The following NDFIP2 variants were observed in gnomAD, a reference collection of about 807,000 sequenced individuals.
NDFIP2 encodes the protein NEDD4 family-interacting protein 2.
A neutral mutation model predicts 36.0 loss-of-function variants in NDFIP2; 19 were observed. The ratio of observed to expected loss-of-function variants is 0.53; its 90% CI spans 0.37 to 0.77. NDFIP2 has a LOEUF of 0.77. Ranked by LOEUF, NDFIP2 falls within the 30% of genes least tolerant of loss-of-function variation. The pLI is 0.00. For missense variants in NDFIP2, 446 were observed against 435.8 expected (o/e 1.02, Z -0.21); for synonymous variants, 181 against 167.7 (o/e 1.08, Z -0.61).
At chr13:79,517,090 T>C (rs148300415) in intron 1 of NDFIP2, among the ~76,000 whole-genome samples, 223 of 152,316 alleles carry the variant, frequency 1.5e-3, no homozygotes, top group Admixed American at 8.8e-3. Context: ...AAGAGAGCTC[T>C]GTTGTCATTT....
intron 2 of NDFIP2, among the ~76,000 whole-genome samples, chr13:79,529,550 C>A (rs1874930070): frequency 6.6e-6 from 1 of 152,118 alleles, no homozygotes. Flanking sequence ...TGACCACTTA[C>A]GTTTTTACAT....
At chr13:79,535,149 A>G (rs536443861) in intron 3 of NDFIP2, among the ~76,000 whole-genome samples, 1 of 152,300 alleles carries the variant, frequency 6.6e-6, no homozygotes, top group South Asian at 2.1e-4. Context: ...TAGAACACAT[A>G]TATTTGTAAA....
intron 2 of NDFIP2, among the ~76,000 whole-genome samples, 168 bp from the exon 3 acceptor site, chr13:79,533,155 A>G (rs1172581432): frequency 6.6e-6 from 1 of 152,222 alleles, no homozygotes; most frequent in East Asian, 1.9e-4. Flanking sequence ...GGACTAAAGT[A>G]AGATATATGA....
chr13:79,519,275 G>C (rs1874470258), intron 1 of NDFIP2: 1 of 152,126 alleles, frequency 6.6e-6, no homozygotes, highest in African/African-American at 2.4e-5. Flanking sequence ...AAATAATATG[G>C]AAAACTAGTA....
At chr13:79,492,687 C>A (rs1416971627) in intron 1 of NDFIP2, among the ~76,000 whole-genome samples, 1 of 152,122 alleles carries the variant, frequency 6.6e-6, no homozygotes, top group East Asian at 1.9e-4. Context: ...TTCCTGGCCA[C>A]ACTTAAGGCC....
At chr13:79,493,832 G>A (rs757711927) in intron 1 of NDFIP2, among the ~76,000 whole-genome samples, 62 of 152,084 alleles carry the variant, frequency 4.1e-4, no homozygotes, top group African/African-American at 1.5e-3. Flanking sequence ...CTCACACCTC[G>A]GTAATCTTTC....
Position 79,555,032 on chromosome 13 carries a change from C to A in NDFIP2, c.*2519C>A, listed in dbSNP as rs1401940887. 6.6e-6 allele frequency: 1 copy of A among 151,566 alleles called. No individual in the cohort carries two copies. The highest frequency in any genetic ancestry group is 2.4e-5 in the African/African-American group (1 of 41,314). The allele number at this position is 151,566 out of a possible 1,614,324, so 9.4% of individuals were successfully genotyped here. On this transcript the variant is annotated 3_prime_UTR_variant, in exon 8 of 8. Coordinates refer to ENST00000218652, the MANE Select transcript of NDFIP2 (RefSeq NM_019080.3). Reference sequence around the variant, plus strand: ...CATTACATTTGGTTAAAATGAAAATCTCTGCTTAATGGAAAAAATACTAAT... The same window carrying A: ...CATTACATTTGGTTAAAATGAAAATATCTGCTTAATGGAAAAAATACTAAT...
At chr13:79,494,375 C>T (rs907089389) in intron 1 of NDFIP2, among the ~76,000 whole-genome samples, 2 of 152,032 alleles carry the variant, frequency 1.3e-5, no homozygotes, top group African/African-American at 4.8e-5. Flanking sequence ...ACTAACTCAT[C>T]ACTGAGTTAA....
rs962324809 is a variant in NDFIP2 at position 79,499,124 on chromosome 13, T to G, written c.321+17600T>G. 2.6e-5 allele frequency among the ~76,000 whole-genome samples: 4 copies of G among 151,928 alleles called. No homozygotes were observed. The East Asian group carries it at 7.7e-4, about 29-fold the overall frequency. On this transcript the variant is annotated intron_variant, in intron 1 of 7. Coordinates refer to ENST00000218652, the MANE Select transcript of NDFIP2 (RefSeq NM_019080.3). Reference sequence around the variant, plus strand: ...TTCAAAAATTAATTAATGTAATCCATTACATCAGTGGCTAAAGAAGAAAAA... The same window carrying G: ...TTCAAAAATTAATTAATGTAATCCAGTACATCAGTGGCTAAAGAAGAAAAA...
chr13:79,521,430 A>G (rs1414235172), intron 2 of NDFIP2, among the ~76,000 whole-genome samples: 1 of 152,224 alleles, frequency 6.6e-6, no homozygotes. Flanking sequence ...AGTGTGATTT[A>G]GTATACTATC....
In NDFIP2 at chr13:79,529,397, A is replaced by C. The variant is rs771679035; in HGVS notation, c.488-3926A>C. ...AAATTTACATTCTTGTTATTATAAA[A>C]GATCACATCTCCTTGGATAATGTGT... On this transcript the variant is annotated intron_variant, in intron 2 of 7. Transcript: ENST00000218652. Among the ~76,000 whole-genome samples, 75 of 152,204 alleles carry C rather than the reference A, an allele frequency of 4.9e-4. 1 individual carries two copies. Among genetic ancestry groups the C allele is most frequent in the Non-Finnish European group, 4.4e-4 (30 of 68,030 alleles).
At chr13:79,543,964 A>C (rs1875559146) in intron 5 of NDFIP2, among the ~76,000 whole-genome samples, 1 of 152,068 alleles carries the variant, frequency 6.6e-6, no homozygotes, top group Non-Finnish European at 1.5e-5. Flanking sequence ...AATTGTTCTG[A>C]GCATTAGTTT....
chr13:79,532,564 G>A (rs1018457797), intron 2 of NDFIP2, among the ~76,000 whole-genome samples: 2 of 152,058 alleles, frequency 1.3e-5, no homozygotes, highest in Admixed American at 1.3e-4. Context: ...TATTTCTGGA[G>A]ATTATATTTC....
At chr13:79,540,467 A>G (rs1370674178) in intron 4 of NDFIP2, among the ~76,000 whole-genome samples, 1 of 152,232 alleles carries the variant, frequency 6.6e-6, no homozygotes, top group Non-Finnish European at 1.5e-5. Context: ...AGCCAGTGGT[A>G]GAAACCCAAT....
chr13:79,541,548 A>G (rs1430386337), intron 4 of NDFIP2, among the ~76,000 whole-genome samples: 2 of 151,648 alleles, frequency 1.3e-5, no homozygotes, highest in Non-Finnish European at 2.9e-5. Context: ...TTTTACCTGT[A>G]TTTCCTGATT....
chr13:79,512,451 GA>G lies in NDFIP2; in HGVS notation c.322-8348del, dbSNP rs929259200. On this transcript the variant is annotated intron_variant, in intron 1 of 7. Coordinates refer to ENST00000218652, the MANE Select transcript of NDFIP2 (RefSeq NM_019080.3). ...ATAGTATGTGGCACTGGCTTTTGAG[GA>G]AAAAAAAAAAGGCTTTATTGCAAAA... Among the ~76,000 whole-genome samples, 85 of 142,990 alleles carry G rather than the reference GA, an allele frequency of 5.9e-4. 1 individual carries two copies. Among genetic ancestry groups the G allele is most frequent in the Middle Eastern group, 3.6e-3 (1 of 280 alleles). 93.8% of individuals were successfully genotyped at this position (142,990 alleles called of 152,430 possible).
intron 1 of NDFIP2, among the ~76,000 whole-genome samples, chr13:79,489,064 T>C (rs1359614398): frequency 6.6e-6 from 1 of 152,146 alleles, no homozygotes; most frequent in Non-Finnish European, 1.5e-5. Flanking sequence ...CAGACTTGGG[T>C]GTTTTAGTTT....
chr13:79,543,523 G>T (rs1207542710), intron 4 of NDFIP2, 35 bp from the exon 5 acceptor site: 2 of 1,611,148 alleles, frequency 1.2e-6, no homozygotes, highest in Non-Finnish European at 1.7e-6. Context: ...TTTCCAAATT[G>T]TGGTTTATAA....
chr13:79,547,140 G>A (rs1008975362), intron 5 of NDFIP2, among the ~76,000 whole-genome samples: 2 of 151,836 alleles, frequency 1.3e-5, no homozygotes, highest in Non-Finnish European at 2.9e-5. Context: ...TACTTCCTGA[G>A]AAAATACTTA....
Sources: gnomAD v4.1 joint callset for allele counts (sites outside exome capture counted in the v4.1 genomes callset) on GRCh38, gnomAD v4.1.1 for gene constraint, MANE v1.5 for transcripts, NCBI Gene and HGNC (gene_info 2026-07-23, HGNC 2026-07-21) for gene names.